The following STRN4 variants were observed in gnomAD, a reference collection of about 807,000 sequenced individuals.
STRN4 encodes the protein striatin-4.
Under a neutral mutation model 77.9 loss-of-function variants are expected in STRN4, and 27 were observed. The ratio of observed to expected loss-of-function variants is 0.35; its 90% CI spans 0.26 to 0.48. The LOEUF (loss-of-function observed/expected upper bound fraction) is 0.48, where lower values mean the gene tolerates loss of function less well. STRN4 is among the 20% of genes least tolerant of loss of function. The pLI is 0.99. For synonymous variants in STRN4, 466 were observed against 443.1 expected, an observed-to-expected ratio of 1.05 and a Z score of -0.65; for missense variants, 798 against 1,049.7, an observed-to-expected ratio of 0.76 and a Z score of 3.31.
intron 16 of STRN4, 166 bp from the exon 17 acceptor site, chr19:46,720,937 C>A: frequency 1.5e-6 from 1 of 684,088 alleles, no homozygotes; most frequent in Non-Finnish European, 2.2e-6. Context: ...AAAGGAGAAC[C>A]CTGGTCCCCT....
At position 46,723,268 on chromosome 19, in the gene STRN4, G is replaced by A. The variant is rs2054025719; in HGVS notation, c.1611C>T (p.Ser537=). The change falls in exon 13 of 18, where the codon AGC becomes AGT. Residue 537 remains serine (S), a synonymous_variant. Transcript: ENST00000263280. This position sits in a 1 kb window ranked among gnomAD's most constrained non-coding sequence, Gnocchi z 5.5. ...CGTCCCCGTGGCCCTCCAGGACGTG[G>A]CTCAGCACGCTTGGGTCTGCACCCA... ...PYDGYDPSVL[S]HVLEGHGDAV... is the part of the protein sequence containing the mutation. The A allele has an allele frequency of 6.5e-7, 1 of 1,547,056 alleles. No homozygotes were observed. Among genetic ancestry groups the A allele is most frequent in the Non-Finnish European group, 8.7e-7 (1 of 1,147,610 alleles).
chr19:46,720,919 GCC>G, intron 16 of STRN4, 148 bp from the exon 17 acceptor site: 1 of 941,132 alleles, frequency 1.1e-6, no homozygotes, highest in Non-Finnish European at 1.5e-6. Context: ...ACCTCCTGTG[GCC>G]CGCCCAAAGG....
At position 46,723,344 on chromosome 19, in the gene STRN4, G is replaced by T; in HGVS notation, c.1595-60C>A. ...AGGGCTGCCAGCTCCTCCCTGGACA[G>T]CCCAGAGCCCCAGCTCTGCCAAGCC... On this transcript the variant is annotated intron_variant, in intron 12 of 17. Coordinates refer to ENST00000263280, the MANE Select transcript of STRN4 (RefSeq NM_013403.3). This position sits in a 1 kb window ranked among gnomAD's most constrained non-coding sequence, Gnocchi z 5.5. The T allele has an allele frequency of 6.7e-7, 1 of 1,482,496 alleles. No individual in the cohort carries two copies. The highest frequency in any genetic ancestry group is 9.0e-7 in the Non-Finnish European group (1 of 1,115,814). 91.8% of individuals were successfully genotyped at this position (1,482,496 alleles called of 1,614,324 possible).
At chr19:46,745,414 G>T (rs965914839) in intron 1 of STRN4, among the ~76,000 whole-genome samples, 1 of 152,106 alleles carries the variant, frequency 6.6e-6, no homozygotes, top group African/African-American at 2.4e-5. Flanking sequence ...TTTCTCCTCA[G>T]AGGGGAAGGC....
At chr19:46,722,789 A>G in intron 14 of STRN4, 21 bp downstream of exon 14, 1 of 1,612,798 alleles carries the variant, frequency 6.2e-7, no homozygotes, top group Non-Finnish European at 8.5e-7. Context: ...CAATTCCATG[A>G]GCTGATGTCA....
chr19:46,737,627 A>G (rs1055806715), intron 3 of STRN4, among the ~76,000 whole-genome samples: 1 of 146,206 alleles, frequency 6.8e-6, no homozygotes, highest in Non-Finnish European at 1.5e-5. Flanking sequence ...GCGTCTCTGT[A>G]TCTGTGCTCT....
chr19:46,721,663 G>A, intron 16 of STRN4: 1 of 281,314 alleles, frequency 3.6e-6, no homozygotes, highest in Non-Finnish European at 7.0e-6. Context: ...GGTACCCCCA[G>A]GTAGACCTGG....
intron 5 of STRN4, 51 bp from the exon 6 acceptor site, chr19:46,730,924 G>A: frequency 6.3e-7 from 1 of 1,596,458 alleles, no homozygotes; most frequent in Non-Finnish European, 8.5e-7. Flanking sequence ...AGGTGTCAAA[G>A]CTCAGATAGG....
intron 1 of STRN4, among the ~76,000 whole-genome samples, chr19:46,739,784 C>A (rs944523129): frequency 2.0e-5 from 3 of 152,214 alleles, no homozygotes; most frequent in African/African-American, 7.2e-5. Flanking sequence ...CTCCATTTGC[C>A]CCTCTAGAAA....
In STRN4 at chr19:46,719,766, G is replaced by A. The variant is rs1316305685; in HGVS notation, c.*639C>T. Reference sequence around the variant, plus strand: ...ATACAGGGAGTTCAGGGGGACCCGAGGCCCACTCCACCCTCCATGCCCCAG... The same window carrying A: ...ATACAGGGAGTTCAGGGGGACCCGAAGCCCACTCCACCCTCCATGCCCCAG... On this transcript the variant is annotated 3_prime_UTR_variant, in exon 18 of 18. Transcript: ENST00000263280. 1.3e-5 allele frequency: 2 copies of A among 152,414 alleles called. No individual in the cohort carries two copies. The highest frequency in any genetic ancestry group is 2.9e-5 in the Non-Finnish European group (2 of 68,046). 9.4% of individuals were successfully genotyped at this position (152,414 alleles called of 1,614,324 possible).
intron 16 of STRN4, chr19:46,721,077 C>T (rs891188668): frequency 1.4e-5 from 4 of 279,062 alleles, no homozygotes; most frequent in African/African-American, 8.7e-5. Context: ...TGCAGCTGGG[C>T]AACAGGAAGA....
At chr19:46,727,677 G>A in intron 8 of STRN4, 131 bp from the exon 9 acceptor site, 1 of 801,898 alleles carries the variant, frequency 1.2e-6, no homozygotes, top group Non-Finnish European at 2.0e-6. Flanking sequence ...GAGAGGACAA[G>A]ATGAAGAATC....
Position 46,738,711 on chromosome 19 carries a change from C to T in STRN4, c.386+74G>A, listed in dbSNP as rs141577738. 0.015 allele frequency: 21,335 copies of T among 1,391,530 alleles called. 245 individuals carry two copies. Among genetic ancestry groups the T allele is most frequent in the Admixed American group, 0.021 (1,239 of 59,454 alleles). The allele number at this position is 1,391,530 out of a possible 1,614,324, so 86.2% of individuals were successfully genotyped here. On this transcript the variant is annotated intron_variant, in intron 2 of 17. Transcript: ENST00000263280. The surrounding 1 kb of genome is among the most constrained non-coding windows in gnomAD (Gnocchi z 4.5). Reference sequence around the variant, plus strand: ...CAAATCTCCCTTAGCTGGAAGGAGGCGTGGCTGGTGGCCTCCTGACACTGT... The same window carrying T: ...CAAATCTCCCTTAGCTGGAAGGAGGTGTGGCTGGTGGCCTCCTGACACTGT...
intron 1 of STRN4, among the ~76,000 whole-genome samples, chr19:46,742,265 T>C (rs1184999006): frequency 6.6e-6 from 1 of 152,150 alleles, no homozygotes; most frequent in Non-Finnish European, 1.5e-5. Flanking sequence ...TCCAAACTTA[T>C]GGTGACTACT....
chr19:46,735,468 TG>T lies in STRN4; in HGVS notation c.539+1354del, dbSNP rs1215315915. Among the ~76,000 whole-genome samples, 4 of 152,118 alleles carry T rather than the reference TG, an allele frequency of 2.6e-5. No individual in the cohort carries two copies. In the East Asian group the frequency reaches 7.8e-4, roughly 30 times the overall value. ...CTGACTGCACCACTGTACTCCAGCC[TG>T]GGAGACAGAGTGAGTTTATTTATTT... On this transcript the variant is annotated intron_variant, in intron 4 of 17. Transcript: ENST00000263280.
Position 46,738,734 on chromosome 19 carries a change from T to C in STRN4, c.386+51A>G, listed in dbSNP as rs1476483723. The C allele has an allele frequency of 3.1e-6, 5 of 1,590,066 alleles. No homozygotes were observed. The highest frequency in any genetic ancestry group is 1.1e-5 in the South Asian group (1 of 90,606). Reference sequence around the variant, plus strand: ...GGCGTGGCTGGTGGCCTCCTGACACTGTGCTTGAGACGGACCCAGAAGGCA... The same window carrying C: ...GGCGTGGCTGGTGGCCTCCTGACACCGTGCTTGAGACGGACCCAGAAGGCA... On this transcript the variant is annotated intron_variant, in intron 2 of 17. Coordinates refer to ENST00000263280, the MANE Select transcript of STRN4 (RefSeq NM_013403.3). The surrounding 1 kb of genome is among the most constrained non-coding windows in gnomAD (Gnocchi z 4.5).
rs1320199940 is a variant in STRN4 at position 46,738,634 on chromosome 19, T to C, written c.386+151A>G. 1.2e-5 allele frequency: 9 copies of C among 766,246 alleles called. No homozygotes were observed. In the Admixed American group the frequency reaches 1.7e-4, roughly 15 times the overall value. The allele number at this position is 766,246 out of a possible 1,614,324, so 47.5% of individuals were successfully genotyped here. ...CCCAAATCCCACCTACTCTGTCCTG[T>C]TTCTCCCCTAGAATCTTATGGTACT... On this transcript the variant is annotated intron_variant, in intron 2 of 17. Coordinates refer to ENST00000263280, the MANE Select transcript of STRN4 (RefSeq NM_013403.3). The surrounding 1 kb of genome is among the most constrained non-coding windows in gnomAD (Gnocchi z 4.5).
At chr19:46,737,894 A>C (rs1322104636) in intron 3 of STRN4, among the ~76,000 whole-genome samples, 1 of 150,834 alleles carries the variant, frequency 6.6e-6, no homozygotes, top group African/African-American at 2.4e-5. Context: ...CCTGGCGCCC[A>C]CTCCTCGCAA....
At chr19:46,737,870 ACT>A (rs1316686952) in intron 3 of STRN4, among the ~76,000 whole-genome samples, 2 of 151,920 alleles carry the variant, frequency 1.3e-5, no homozygotes. Flanking sequence ...CGTCCCCAGC[ACT>A]CTATAAATAG....
Sources: allele counts gnomAD v4.1 joint callset (sites outside exome capture counted in the v4.1 genomes callset), GRCh38; gene constraint gnomAD v4.1.1; non-coding constraint Gnocchi (gnomAD v3.1); transcripts MANE v1.5; gene names NCBI Gene and HGNC (gene_info 2026-07-23, HGNC 2026-07-21).